The following SLC8A1 variants were observed in gnomAD, a reference collection of about 807,000 sequenced individuals.
SLC8A1 encodes the protein sodium/calcium exchanger 1.
A neutral mutation model predicts 68.3 loss-of-function variants in SLC8A1; 18 were observed. The ratio of observed to expected loss-of-function variants is 0.26; its 90% CI spans 0.18 to 0.39. The LOEUF is 0.39. Among genes scored for constraint, SLC8A1 ranks in the 10% least tolerant of loss-of-function variants. The pLI, the probability that SLC8A1 is intolerant of heterozygous loss-of-function variation, is 1.00. For synonymous variants in SLC8A1, 475 were observed against 415.5 expected, an observed-to-expected ratio of 1.14 and a Z score of -1.74; for missense variants, 985 against 1,156.7, an observed-to-expected ratio of 0.85 and a Z score of 2.15.
intron 2 of SLC8A1, among the ~76,000 whole-genome samples, chr2:40,418,124 G>A (rs1434871383): frequency 6.6e-6 from 1 of 152,042 alleles, no homozygotes; most frequent in African/African-American, 2.4e-5. Context: ...ACCTATAGAG[G>A]ACACTTAAAT....
intron 1 of SLC8A1, among the ~76,000 whole-genome samples, chr2:40,477,450 G>C (rs144545045): frequency 1.3e-5 from 2 of 151,894 alleles, no homozygotes; most frequent in African/African-American, 4.8e-5. Context: ...TGTCCTACAC[G>C]GTTGAAAAGA....
intron 1 of SLC8A1, among the ~76,000 whole-genome samples, chr2:40,502,865 A>G (rs957265160): frequency 6.6e-6 from 1 of 151,970 alleles, no homozygotes; most frequent in African/African-American, 2.4e-5. Context: ...CCAACTTATT[A>G]GCAATATACA....
chr2:40,206,670 G>A (rs1053230951), intron 2 of SLC8A1, among the ~76,000 whole-genome samples: 1 of 151,982 alleles, frequency 6.6e-6, no homozygotes, highest in African/African-American at 2.4e-5. Flanking sequence ...CCAGCAGAAT[G>A]AGCTTTAGGC....
chr2:40,375,922 G>A (rs1020126236), intron 2 of SLC8A1, among the ~76,000 whole-genome samples: 1 of 152,048 alleles, frequency 6.6e-6, no homozygotes, highest in Non-Finnish European at 1.5e-5. Flanking sequence ...AGTCGCTTGA[G>A]CTTAGGAGGC....
At chr2:40,339,217 C>T (rs1222463508) in intron 2 of SLC8A1, among the ~76,000 whole-genome samples, 1 of 152,206 alleles carries the variant, frequency 6.6e-6, no homozygotes, top group Non-Finnish European at 1.5e-5. Context: ...ATGTCATTAT[C>T]TGTAGCAACC....
chr2:40,184,912 A>C (rs2050399110), intron 2 of SLC8A1, among the ~76,000 whole-genome samples: 2 of 151,822 alleles, frequency 1.3e-5, no homozygotes, highest in Admixed American at 1.3e-4. Context: ...AAAAAAAAAA[A>C]AAAAAAAGGA....
intron 1 of SLC8A1, among the ~76,000 whole-genome samples, chr2:40,465,724 G>A (rs923824538): frequency 1.2e-4 from 19 of 152,050 alleles, no homozygotes; most frequent in African/African-American, 2.9e-4. Context: ...GTGCGATAGC[G>A]TATTTTTTTA....
intron 1 of SLC8A1, among the ~76,000 whole-genome samples, chr2:40,438,737 C>CA (rs1202410716): frequency 1.3e-5 from 2 of 152,114 alleles, no homozygotes; most frequent in Non-Finnish European, 2.9e-5. Context: ...AATCACCTGG[C>CA]AAACTAATTA....
At chr2:40,463,209 G>A (rs534972341) in intron 1 of SLC8A1, among the ~76,000 whole-genome samples, 5 of 152,214 alleles carry the variant, frequency 3.3e-5, no homozygotes, top group African/African-American at 4.8e-5. Context: ...TAGGAAAGGA[G>A]GGAGTGAAGT....
chr2:40,429,546 A>T lies in SLC8A1; in HGVS notation c.735T>A (p.Cys245Ter). ...TATCCGCTACCCAAGCGAACACAACACAGATGGGAAAGAAGAAGAAAGTAA... is the reference window on the plus strand; with the variant it reads ...TATCCGCTACCCAAGCGAACACAACTCAGATGGGAAAGAAGAAGAAAGTAA... Residue 245 changes from cysteine to a stop codon, truncating the protein, a stop_gained, in exon 2 of 8, where the codon TGT becomes TGA. Coordinates refer to ENST00000406785, the Ensembl canonical transcript of SLC8A1. LOFTEE classifies it high-confidence loss of function. 6.2e-7 allele frequency: 1 copy of T among 1,613,744 alleles called. No individual in the cohort carries two copies. The highest frequency in any genetic ancestry group is 8.5e-7 in the Non-Finnish European group (1 of 1,179,882).
chr2:40,357,179 A>C (rs1465576077), intron 2 of SLC8A1, among the ~76,000 whole-genome samples: 1 of 152,192 alleles, frequency 6.6e-6, no homozygotes, highest in Non-Finnish European at 1.5e-5. Context: ...AAAAACATTC[A>C]AAAATATATT....
At chr2:40,291,549 G>A (rs756386100) in intron 2 of SLC8A1, among the ~76,000 whole-genome samples, 1 of 152,002 alleles carries the variant, frequency 6.6e-6, no homozygotes, top group African/African-American at 2.4e-5. Context: ...TACTCAAAGA[G>A]GCAGGGGTTT....
At chr2:40,252,820 A>G (rs997873950) in intron 2 of SLC8A1, among the ~76,000 whole-genome samples, 4 of 113,528 alleles carry the variant, frequency 3.5e-5, no homozygotes, top group Non-Finnish European at 7.1e-5. Flanking sequence ...ATATACATAT[A>G]TATGTATATA....
At chr2:40,130,584 C>T (rs1022966106) in intron 7 of SLC8A1, among the ~76,000 whole-genome samples, 1 of 152,222 alleles carries the variant, frequency 6.6e-6, no homozygotes, top group East Asian at 1.9e-4. Context: ...CAGTACTGAA[C>T]TTTTTTGGTA....
intron 2 of SLC8A1, among the ~76,000 whole-genome samples, chr2:40,184,484 A>T (rs1037396469): frequency 2.0e-5 from 3 of 152,170 alleles, no homozygotes; most frequent in Non-Finnish European, 4.4e-5. Context: ...TTAATAGTAT[A>T]GGTGAGAAAA....
chr2:40,316,772 T>A (rs1236982298), intron 2 of SLC8A1, among the ~76,000 whole-genome samples: 1 of 151,918 alleles, frequency 6.6e-6, no homozygotes, highest in Admixed American at 6.6e-5. Context: ...CCTCCCCCAA[T>A]TTGTGTTTTA....
intron 2 of SLC8A1, among the ~76,000 whole-genome samples, chr2:40,282,948 C>G (rs2149194891): frequency 6.6e-6 from 1 of 152,142 alleles, no homozygotes; most frequent in South Asian, 2.1e-4. Flanking sequence ...GTGCTAATGC[C>G]CAAATGATCC....
chr2:40,396,511 G>T (rs1686939582), intron 2 of SLC8A1, among the ~76,000 whole-genome samples: 1 of 151,766 alleles, frequency 6.6e-6, no homozygotes, highest in Admixed American at 6.6e-5. Flanking sequence ...TGAAAGCAAT[G>T]GATTACAAAA....
chr2:40,434,992 T>C (rs1559676326), intron 1 of SLC8A1, among the ~76,000 whole-genome samples: 2 of 152,134 alleles, frequency 1.3e-5, no homozygotes, highest in Non-Finnish European at 2.9e-5. Flanking sequence ...ACGGTGACCA[T>C]TCCCTGCTGG....
Sources: allele counts gnomAD v4.1 joint callset (sites outside exome capture counted in the v4.1 genomes callset), GRCh38; gene constraint gnomAD v4.1.1; transcripts MANE v1.5; gene names NCBI Gene and HGNC (gene_info 2026-07-23, HGNC 2026-07-21).